The following ASIC2 variants were observed in gnomAD, a reference collection of about 807,000 sequenced individuals.
The protein encoded by ASIC2 is acid sensing ion channel subunit 2, also known as acid-sensing ion channel 2.
In ASIC2, 25 loss-of-function variants were observed where a neutral mutation model predicts 57.3. The observed-to-expected ratio is 0.44, with a 90% CI of 0.32 to 0.61. The LOEUF (loss-of-function observed/expected upper bound fraction) is 0.61. ASIC2 is among the 20% of genes least tolerant of loss of function. The probability of loss-of-function intolerance (pLI) is 0.06; values close to 1 mark genes in which losing one functional copy is unlikely to be tolerated. For missense variants in ASIC2, 641 were observed against 738.1 expected (o/e 0.87, Z 1.52); for synonymous variants, 319 against 307.5 (o/e 1.04, Z -0.39).
chr17:33,124,094 A>C (rs1218979798), intron 1 of ASIC2, among the ~76,000 whole-genome samples: 1 of 152,242 alleles, frequency 6.6e-6, no homozygotes, highest in Non-Finnish European at 1.5e-5. Flanking sequence ...GTAACGACCC[A>C]TATGGCACTA....
At chr17:34,096,178 T>C (rs1598022137) in intron 1 of ASIC2, among the ~76,000 whole-genome samples, 2 of 152,112 alleles carry the variant, frequency 1.3e-5, no homozygotes, top group East Asian at 3.9e-4. Flanking sequence ...CACAGAAGGG[T>C]ATTTGAATCA....
chr17:33,382,871 C>A (rs567862112), intron 1 of ASIC2, among the ~76,000 whole-genome samples: 2 of 152,130 alleles, frequency 1.3e-5, no homozygotes, highest in African/African-American at 2.4e-5. Flanking sequence ...TTTCTACTTA[C>A]CCCATACTCC....
chr17:33,305,894 G>GCAAT (rs1395050551), intron 1 of ASIC2, among the ~76,000 whole-genome samples: 1 of 152,154 alleles, frequency 6.6e-6, no homozygotes, highest in Non-Finnish European at 1.5e-5. Context: ...AATTGTTTCA[G>GCAAT]CAATCACCAT....
At chr17:33,216,739 A>T (rs1348545441) in intron 1 of ASIC2, among the ~76,000 whole-genome samples, 1 of 152,178 alleles carries the variant, frequency 6.6e-6, no homozygotes, top group Non-Finnish European at 1.5e-5. Context: ...TTGAAAGGTG[A>T]TGGGGAGCCC....
intron 1 of ASIC2, among the ~76,000 whole-genome samples, chr17:33,124,864 C>T (rs1225518244): frequency 6.6e-6 from 1 of 152,174 alleles, no homozygotes; most frequent in Non-Finnish European, 1.5e-5. Context: ...CTAGACAGTC[C>T]TATCTGGGGG....
intron 1 of ASIC2, among the ~76,000 whole-genome samples, chr17:33,724,015 C>A (rs912279161): frequency 1.3e-5 from 2 of 152,052 alleles, no homozygotes; most frequent in African/African-American, 2.4e-5. Flanking sequence ...CCCACAATTC[C>A]CATGTGTCAT....
intron 1 of ASIC2, among the ~76,000 whole-genome samples, chr17:33,342,943 A>G (rs1907788086): frequency 6.6e-6 from 1 of 152,180 alleles, no homozygotes; most frequent in South Asian, 2.1e-4. Flanking sequence ...AATGCTACTC[A>G]GGTGGACCAG....
chr17:33,742,758 G>A (rs147606755), intron 1 of ASIC2, among the ~76,000 whole-genome samples: 5 of 152,240 alleles, frequency 3.3e-5, no homozygotes, highest in African/African-American at 1.2e-4. Context: ...GAAGACACTG[G>A]AAACTGCTTT....
rs369701446 is a variant in ASIC2, at chr17:33,820,281, C to T, written c.555+335697G>A. ...GATGTTTATGAAATCAAAATACAGA[C>T]CAGTTATTTTCATTGAAAACTGAGA... On this transcript the variant is annotated intron_variant, in intron 1 of 9. Coordinates refer to the ASIC2 transcript ENST00000359872. 1.1e-4 allele frequency among the ~76,000 whole-genome samples: 17 copies of T among 152,254 alleles called. No homozygotes were observed. The East Asian group carries it at 2.1e-3, about 19-fold the overall frequency.
intron 1 of ASIC2, among the ~76,000 whole-genome samples, chr17:33,388,685 T>C (rs941170592): frequency 6.6e-6 from 1 of 152,244 alleles, no homozygotes; most frequent in African/African-American, 2.4e-5. Context: ...GTTCACCACA[T>C]GGCATAGACT....
At chr17:33,572,403 T>C (rs1180189665) in intron 1 of ASIC2, 2 of 152,436 alleles carry the variant, frequency 1.3e-5, no homozygotes, top group African/African-American at 4.8e-5. Flanking sequence ...CCATGGCCAC[T>C]ACCTGAGCAG....
rs73982759 is a variant in ASIC2, at chr17:33,359,250, C to G, written c.556-247183G>C. ...CCACATGATCCAAACACAAATTAAT[C>G]TCTGAGAATTTGGTTCTAAGGTTGA... On this transcript the variant is annotated intron_variant, in intron 1 of 9. Coordinates refer to the ASIC2 transcript ENST00000359872. Among the ~76,000 whole-genome samples, 1,089 of 152,304 alleles carry G rather than the reference C, an allele frequency of 7.2e-3. 17 individuals are homozygous for G. Among genetic ancestry groups the G allele is most frequent in the African/African-American group, 0.025 (1,028 of 41,568 alleles).
chr17:34,005,609 C>CTCTG (rs1446699663), intron 1 of ASIC2: 1 of 152,198 alleles, frequency 6.6e-6, no homozygotes, highest in Non-Finnish European at 1.5e-5. Context: ...TTCTCCACAC[C>CTCTG]TCTGGGCCAC....
intron 3 of ASIC2, among the ~76,000 whole-genome samples, chr17:33,041,105 C>T (rs1399312953): frequency 2.0e-5 from 3 of 152,144 alleles, no homozygotes; most frequent in Non-Finnish European, 1.5e-5. Context: ...GGAGCCTGTT[C>T]TCTCCCTCCT....
At position 33,584,849 on chromosome 17, in the gene ASIC2, G is replaced by T. The variant is rs373873093; in HGVS notation, c.556-472782C>A. On this transcript the variant is annotated intron_variant, in intron 1 of 9. Transcript: ENST00000359872. ...GACACTAACAGGAACTGCCTGGCAA[G>T]AAAGACCCATGAGAGAGACACCGAT... Among the ~76,000 whole-genome samples, 8 of 152,254 alleles carry T rather than the reference G, an allele frequency of 5.3e-5. No individual in the cohort carries two copies. In the East Asian group the frequency reaches 1.5e-3, roughly 29 times the overall value.
intron 1 of ASIC2, among the ~76,000 whole-genome samples, chr17:34,058,284 A>G (rs1225321362): frequency 6.6e-6 from 1 of 152,218 alleles, no homozygotes; most frequent in Non-Finnish European, 1.5e-5. Flanking sequence ...ATACTGAATG[A>G]CATAAGCCCT....
At chr17:33,411,769 C>A (rs887018393) in intron 1 of ASIC2, among the ~76,000 whole-genome samples, 1 of 152,158 alleles carries the variant, frequency 6.6e-6, no homozygotes, top group Admixed American at 6.5e-5. Context: ...AGTGACTGAG[C>A]GAGGTATCTT....
chr17:33,615,738 A>T (rs1905582226), intron 1 of ASIC2, among the ~76,000 whole-genome samples: 1 of 152,212 alleles, frequency 6.6e-6, no homozygotes, highest in African/African-American at 2.4e-5. Context: ...TTCGGGGATT[A>T]TGGAGAATAC....
intron 1 of ASIC2, among the ~76,000 whole-genome samples, chr17:33,601,586 A>G (rs1188996784): frequency 6.6e-6 from 1 of 152,214 alleles, no homozygotes; most frequent in Non-Finnish European, 1.5e-5. Context: ...CAAATAATGT[A>G]TTGGAGAGCT....
Sources: allele counts gnomAD v4.1 joint callset (sites outside exome capture counted in the v4.1 genomes callset), GRCh38; gene constraint gnomAD v4.1.1; transcripts MANE v1.5; gene names NCBI Gene and HGNC (gene_info 2026-07-23, HGNC 2026-07-21).